Variants in TRIO observed in about 807,000 individuals in gnomAD.
TRIO encodes triple functional domain protein.
TRIO carries 58 observed loss-of-function variants against 351.9 expected under a neutral mutation model. The observed-to-expected ratio is 0.16, with a 90% CI of 0.13 to 0.21. The LOEUF is 0.21. Among genes scored for constraint, TRIO ranks in the 10% least tolerant of loss-of-function variants. The pLI is 1.00. For synonymous variants in TRIO, 1,758 were observed against 1,595.7 expected, an observed-to-expected ratio of 1.10 and a Z score of -2.42; for missense variants, 3,201 against 4,027.8, an observed-to-expected ratio of 0.79 and a Z score of 5.56.
intron 1 of TRIO, among the ~76,000 whole-genome samples, chr5:14,255,814 G>T (rs1255152553): frequency 6.6e-6 from 1 of 152,160 alleles, no homozygotes; most frequent in African/African-American, 2.4e-5. Flanking sequence ...TCCACTTGTG[G>T]TAGAGTCATG....
intron 1 of TRIO, among the ~76,000 whole-genome samples, chr5:14,160,537 A>G (rs1458033011): frequency 6.6e-6 from 1 of 152,242 alleles, no homozygotes; most frequent in African/African-American, 2.4e-5. Context: ...CTGATAGTCT[A>G]AAGAGGCAAG....
chr5:14,297,037 C>A, intron 6 of TRIO, 35 bp from the exon 7 acceptor site: 2 of 1,588,270 alleles, frequency 1.3e-6, no homozygotes, highest in South Asian at 2.3e-5. Flanking sequence ...ATTTGCTCTC[C>A]CCTAAGGAGC....
chr5:14,460,280 C>T (rs1193075499), intron 34 of TRIO, among the ~76,000 whole-genome samples: 3 of 152,182 alleles, frequency 2.0e-5, no homozygotes, highest in Non-Finnish European at 4.4e-5. Context: ...TACTTCAGCA[C>T]ATGTGGTAAG....
At chr5:14,260,397 T>G (rs934447167) in intron 1 of TRIO, among the ~76,000 whole-genome samples, 11 of 152,230 alleles carry the variant, frequency 7.2e-5, no homozygotes, top group South Asian at 2.1e-4. Context: ...AGTATAAGCT[T>G]CTTAAAATCA....
At chr5:14,390,185 G>A in intron 25 of TRIO, 46 bp from the exon 26 acceptor site, 1 of 1,584,406 alleles carries the variant, frequency 6.3e-7, no homozygotes, top group Non-Finnish European at 8.6e-7. Context: ...CTAGTAAAAT[G>A]TTTTAAAACA....
intron 9 of TRIO, among the ~76,000 whole-genome samples, chr5:14,319,985 G>A (rs115861021): frequency 2.8e-4 from 43 of 152,302 alleles, no homozygotes; most frequent in African/African-American, 9.6e-4. Context: ...CACACTTACC[G>A]TGCTTCCAAT....
chr5:14,216,860 T>A (rs1443285019), intron 1 of TRIO, among the ~76,000 whole-genome samples: 1 of 152,220 alleles, frequency 6.6e-6, no homozygotes, highest in Non-Finnish European at 1.5e-5. Flanking sequence ...TTGTAATAGC[T>A]TCATATGGTA....
At chr5:14,377,304 G>A (rs1306479035) in intron 19 of TRIO, among the ~76,000 whole-genome samples, 1 of 151,342 alleles carries the variant, frequency 6.6e-6, no homozygotes, top group South Asian at 2.1e-4. Context: ...GGAGTGCAAT[G>A]ACATGATCTT....
intron 1 of TRIO, among the ~76,000 whole-genome samples, chr5:14,263,043 C>T (rs920966879): frequency 7.2e-5 from 11 of 152,162 alleles, no homozygotes; most frequent in Non-Finnish European, 1.5e-4. Flanking sequence ...CTGGAGTGCT[C>T]TCTGTTTTCC....
chr5:14,460,282 T>C (rs1371762075), intron 34 of TRIO, among the ~76,000 whole-genome samples: 2 of 151,764 alleles, frequency 1.3e-5, no homozygotes, highest in Admixed American at 1.3e-4. Flanking sequence ...CTTCAGCACA[T>C]GTGGTAAGTT....
intron 1 of TRIO, among the ~76,000 whole-genome samples, chr5:14,222,009 C>T (rs943044688): frequency 3.3e-5 from 5 of 152,144 alleles, no homozygotes; most frequent in Non-Finnish European, 5.9e-5. Flanking sequence ...TAAGAAATTG[C>T]CGCAGCCACC....
intron 41 of TRIO, among the ~76,000 whole-genome samples, chr5:14,478,922 C>G (rs1439517306): frequency 6.6e-6 from 1 of 152,224 alleles, no homozygotes; most frequent in African/African-American, 2.4e-5. Context: ...GATCACACCA[C>G]TGCCCTCCTG....
intron 1 of TRIO, among the ~76,000 whole-genome samples, chr5:14,187,189 A>T (rs1174067994): frequency 6.6e-6 from 1 of 152,192 alleles, no homozygotes; most frequent in Non-Finnish European, 1.5e-5. Flanking sequence ...CAAAAAGTTG[A>T]TAAGTACTAA....
In TRIO at chr5:14,401,024, T is replaced by C. The variant is rs775090467; in HGVS notation, c.4676T>C (p.Val1559Ala). 6.2e-7 allele frequency: 1 copy of C among 1,614,040 alleles called. No homozygotes were observed. The highest frequency in any genetic ancestry group is 8.5e-7 in the Non-Finnish European group (1 of 1,179,990). The stretch of plus-strand genomic sequence containing the variant: ...GACCCTTGCAAATTTGCACTGTGGG[T>C]GGGGAGAACACCAACTTCAGATAAT... ...EGDPCKFALW[V>A]GRTPTSDNKI... Residue 1559 changes from valine (V) to alanine (A), a missense_variant, in exon 31 of 57, where the codon GTG (valine) becomes GCG (alanine). Coordinates refer to ENST00000344204, the MANE Select transcript of TRIO (RefSeq NM_007118.4).
At chr5:14,338,535 C>A (rs78033133) in intron 11 of TRIO, among the ~76,000 whole-genome samples, 1 of 152,128 alleles carries the variant, frequency 6.6e-6, no homozygotes, top group African/African-American at 2.4e-5. Context: ...GTTTTTACAC[C>A]GTAGCTGAGA....
intron 1 of TRIO, among the ~76,000 whole-genome samples, chr5:14,186,222 C>T (rs998208978): frequency 6.6e-6 from 1 of 152,196 alleles, no homozygotes; most frequent in South Asian, 2.1e-4. Flanking sequence ...CTAGCCTGAT[C>T]ACCAGGCTTT....
At chr5:14,317,800 G>A (rs1279559541) in intron 9 of TRIO, among the ~76,000 whole-genome samples, 1 of 151,956 alleles carries the variant, frequency 6.6e-6, no homozygotes, top group African/African-American at 2.4e-5. Flanking sequence ...AGACCAGCCT[G>A]GCCAACATGG....
chr5:14,295,130 G>A (rs1228719308), intron 6 of TRIO, among the ~76,000 whole-genome samples: 2 of 152,124 alleles, frequency 1.3e-5, no homozygotes, highest in African/African-American at 4.8e-5. Flanking sequence ...TGCAGGGCAA[G>A]GGTATTTAAC....
chr5:14,386,566 A>G (rs1746561001), intron 21 of TRIO, among the ~76,000 whole-genome samples: 1 of 152,236 alleles, frequency 6.6e-6, no homozygotes, highest in Non-Finnish European at 1.5e-5. Flanking sequence ...CAGGTTCCAT[A>G]GAAGAGGAGT....
Sources: gnomAD v4.1 joint callset for allele counts (sites outside exome capture counted in the v4.1 genomes callset) on GRCh38, gnomAD v4.1.1 for gene constraint, MANE v1.5 for transcripts, NCBI Gene and HGNC (gene_info 2026-07-23, HGNC 2026-07-21) for gene names.